NXPH1: variants seen among roughly 807,000 people sequenced by gnomAD.
NXPH1 encodes neurexophilin 1, also known as neurexophilin-1.
In NXPH1, 5 loss-of-function variants were observed where a neutral mutation model predicts 23.7. The observed-to-expected ratio is 0.21, with a 90% CI of 0.11 to 0.44. The LOEUF (loss-of-function observed/expected upper bound fraction) is 0.44. Ranked by LOEUF, NXPH1 falls within the 20% of genes least tolerant of loss-of-function variation. NXPH1 has a pLI of 0.99. For synonymous variants in NXPH1, 144 were observed against 122.2 expected (o/e 1.18, Z -1.18); for missense variants, 324 against 321.6 (o/e 1.01, Z -0.06).
At chr7:8,571,153 G>T (rs1426491098) in intron 2 of NXPH1, among the ~76,000 whole-genome samples, 3 of 151,792 alleles carry the variant, frequency 2.0e-5, no homozygotes, top group Non-Finnish European at 4.4e-5. Context: ...TCTTTAACAA[G>T]ATCTCCAGGT....
chr7:8,635,777 G>GT (rs1820209923), intron 2 of NXPH1, among the ~76,000 whole-genome samples: 1 of 152,278 alleles, frequency 6.6e-6, no homozygotes, highest in East Asian at 1.9e-4. Flanking sequence ...AGATGAAACA[G>GT]CTTTTTTTCT....
At chr7:8,448,818 GAAA>G (rs34098217) in intron 2 of NXPH1, among the ~76,000 whole-genome samples, 13,931 of 106,056 alleles carry the variant, frequency 0.13, 2,527 homozygotes, top group African/African-American at 0.43. Context: ...TCGTCTCGGG[GAAA>G]AAAAAAAAAA....
intron 2 of NXPH1, among the ~76,000 whole-genome samples, chr7:8,469,668 C>A (rs138373250): frequency 1.3e-5 from 2 of 152,072 alleles, no homozygotes; most frequent in African/African-American, 4.8e-5. Context: ...GATCTTTACA[C>A]TTTAATTCTA....
rs1334622262 is a variant in NXPH1, at chr7:8,622,738, T to G, written c.55-128270T>G. 2.6e-5 allele frequency among the ~76,000 whole-genome samples: 4 copies of G among 152,268 alleles called. No homozygotes were observed. In the East Asian group the frequency reaches 5.8e-4, roughly 22 times the overall value. On this transcript the variant is annotated intron_variant, in intron 2 of 2. Coordinates refer to ENST00000405863, the MANE Select transcript of NXPH1 (RefSeq NM_152745.3). ...AGTATATGCTAATGTAAAAAGAACTTTGTGCAAACGCTACACTAATGGAAT... is the reference window on the plus strand; with the variant it reads ...AGTATATGCTAATGTAAAAAGAACTGTGTGCAAACGCTACACTAATGGAAT...
chr7:8,550,049 A>C (rs1818254368), intron 2 of NXPH1, among the ~76,000 whole-genome samples: 1 of 151,616 alleles, frequency 6.6e-6, no homozygotes, highest in Non-Finnish European at 1.5e-5. Context: ...CAATATATCA[A>C]ATGCAACCCA....
At chr7:8,737,108 T>A (rs747763263) in intron 2 of NXPH1, among the ~76,000 whole-genome samples, 2 of 152,202 alleles carry the variant, frequency 1.3e-5, no homozygotes, top group Non-Finnish European at 2.9e-5. Flanking sequence ...TGTCTTTTAA[T>A]TGGAGCTTTT....
chr7:8,626,076 T>C (rs2115129396), intron 2 of NXPH1, among the ~76,000 whole-genome samples: 1 of 152,294 alleles, frequency 6.6e-6, no homozygotes, highest in South Asian at 2.1e-4. Flanking sequence ...TTTTCTCATA[T>C]GTTGGGAAGA....
At chr7:8,457,339 C>A (rs2128606349) in intron 2 of NXPH1, among the ~76,000 whole-genome samples, 1 of 152,198 alleles carries the variant, frequency 6.6e-6, no homozygotes, top group East Asian at 1.9e-4. Context: ...AAGAAAACAA[C>A]CCAGAGATGC....
intron 2 of NXPH1, among the ~76,000 whole-genome samples, chr7:8,457,329 A>G (rs570575764): frequency 6.6e-6 from 1 of 152,178 alleles, no homozygotes; most frequent in East Asian, 1.9e-4. Context: ...TAAATGGGGG[A>G]AGAAAACAAC....
rs192903253 is a variant in NXPH1, at chr7:8,647,107, T to C, written c.55-103901T>C. Among the ~76,000 whole-genome samples, 3 of 152,248 alleles carry C rather than the reference T, an allele frequency of 2.0e-5. No individual in the cohort carries two copies. The East Asian group carries it at 5.8e-4, about 29-fold the overall frequency. Reference sequence around the variant, plus strand: ...ATACAGACACACACAAAGACACGTGTGTTCTGTGAGCTCAAGAGCCTCTGC... The same window carrying C: ...ATACAGACACACACAAAGACACGTGCGTTCTGTGAGCTCAAGAGCCTCTGC... On this transcript the variant is annotated intron_variant, in intron 2 of 2. Transcript: ENST00000405863.
At chr7:8,605,099 T>C (rs1819455416) in intron 2 of NXPH1, among the ~76,000 whole-genome samples, 1 of 152,156 alleles carries the variant, frequency 6.6e-6, no homozygotes, top group Non-Finnish European at 1.5e-5. Flanking sequence ...TTCAAGTGAA[T>C]TCATTCAGAT....
At chr7:8,722,046 C>A (rs1049604780) in intron 2 of NXPH1, among the ~76,000 whole-genome samples, 7 of 152,046 alleles carry the variant, frequency 4.6e-5, no homozygotes, top group Admixed American at 3.3e-4. Context: ...CAGGAGAGAA[C>A]CTCCAAAATA....
intron 2 of NXPH1, among the ~76,000 whole-genome samples, chr7:8,455,774 A>C (rs1214821384): frequency 6.6e-6 from 1 of 152,216 alleles, no homozygotes; most frequent in Non-Finnish European, 1.5e-5. Context: ...ATTCAATATC[A>C]GATGCTGTTG....
chr7:8,521,096 C>T (rs1817763649), intron 2 of NXPH1, among the ~76,000 whole-genome samples: 1 of 152,008 alleles, frequency 6.6e-6, no homozygotes, highest in Non-Finnish European at 1.5e-5. Context: ...TAAATACTTC[C>T]TAGGGTGATT....
intron 2 of NXPH1, among the ~76,000 whole-genome samples, chr7:8,661,563 A>G (rs1481830725): frequency 6.6e-6 from 1 of 152,150 alleles, no homozygotes; most frequent in Non-Finnish European, 1.5e-5. Context: ...TACTGGCCCA[A>G]CCAGAAACAG....
At chr7:8,632,775 A>G (rs1820155736) in intron 2 of NXPH1, among the ~76,000 whole-genome samples, 1 of 152,212 alleles carries the variant, frequency 6.6e-6, no homozygotes, top group African/African-American at 2.4e-5. Context: ...TAGGGCTTCT[A>G]AGGCCCCTAG....
At chr7:8,590,763 T>C (rs1438195722) in intron 2 of NXPH1, among the ~76,000 whole-genome samples, 4 of 152,076 alleles carry the variant, frequency 2.6e-5, no homozygotes, top group Non-Finnish European at 5.9e-5. Context: ...TTTGTTGAAC[T>C]GGTAAGCAAT....
intron 2 of NXPH1, among the ~76,000 whole-genome samples, chr7:8,613,308 T>C (rs960766703): frequency 6.6e-6 from 1 of 152,038 alleles, no homozygotes; most frequent in African/African-American, 2.4e-5. Flanking sequence ...TCAAATATAG[T>C]CTATTGTCCA....
chr7:8,582,247 A>G (rs1818892613), intron 2 of NXPH1, among the ~76,000 whole-genome samples: 1 of 152,164 alleles, frequency 6.6e-6, no homozygotes, highest in Admixed American at 6.5e-5. Context: ...TGGCTCTGAG[A>G]GCCTCCAGGT....
Sources: gnomAD v4.1 joint callset for allele counts (sites outside exome capture counted in the v4.1 genomes callset) on GRCh38, gnomAD v4.1.1 for gene constraint, MANE v1.5 for transcripts, NCBI Gene and HGNC (gene_info 2026-07-23, HGNC 2026-07-21) for gene names.